The following PPP3CA variants were observed in gnomAD, a reference collection of about 807,000 sequenced individuals.
The protein encoded by PPP3CA is CAM-PRP catalytic subunit.
A neutral mutation model predicts 66.5 loss-of-function variants in PPP3CA; 14 were observed. The observed-to-expected ratio is 0.21, with a 90% CI of 0.14 to 0.33. The LOEUF is 0.33. PPP3CA is among the 10% of genes least tolerant of loss of function. The pLI is 1.00. For synonymous variants in PPP3CA, 232 were observed against 226.2 expected, an observed-to-expected ratio of 1.03 and a Z score of -0.23; for missense variants, 317 against 639.5, an observed-to-expected ratio of 0.50 and a Z score of 5.44.
chr4:101,230,460 A>G (rs1477087319), intron 1 of PPP3CA, among the ~76,000 whole-genome samples: 1 of 151,726 alleles, frequency 6.6e-6, no homozygotes, highest in African/African-American at 2.4e-5. Context: ...CTACAGCTGC[A>G]GCGAGCCATG....
At chr4:101,336,487 G>C (rs915973962) in intron 1 of PPP3CA, among the ~76,000 whole-genome samples, 6 of 150,194 alleles carry the variant, frequency 4.0e-5, no homozygotes, top group African/African-American at 1.5e-4. Flanking sequence ...CACAAGAATC[G>C]TTTGAACTTC....
At chr4:101,043,665 G>A (rs531727023) in intron 10 of PPP3CA, among the ~76,000 whole-genome samples, 18 of 152,088 alleles carry the variant, frequency 1.2e-4, no homozygotes, top group Non-Finnish European at 1.9e-4. Context: ...ACGAGGTTGG[G>A]AGATCGAGAC....
At chr4:101,133,859 C>T (rs1349895755) in intron 2 of PPP3CA, among the ~76,000 whole-genome samples, 10 of 152,152 alleles carry the variant, frequency 6.6e-5, no homozygotes, top group Non-Finnish European at 1.3e-4. Flanking sequence ...TACAAGGCTA[C>T]AGTAACCAAA....
At chr4:101,168,582 A>T (rs1344732445) in intron 2 of PPP3CA, among the ~76,000 whole-genome samples, 1 of 152,202 alleles carries the variant, frequency 6.6e-6, no homozygotes, top group African/African-American at 2.4e-5. Flanking sequence ...GAGACTAAGT[A>T]AAAAGGACCA....
intron 2 of PPP3CA, among the ~76,000 whole-genome samples, chr4:101,179,020 T>C (rs1180600874): frequency 3.9e-5 from 6 of 152,160 alleles, no homozygotes; most frequent in Non-Finnish European, 8.8e-5. Context: ...CCTAAGTCTA[T>C]TGGTCAAATC....
At chr4:101,073,990 TA>T (rs1553923208) in intron 8 of PPP3CA, among the ~76,000 whole-genome samples, 1 of 152,184 alleles carries the variant, frequency 6.6e-6, no homozygotes, top group Non-Finnish European at 1.5e-5. Context: ...GGAAAAAGCA[TA>T]TGCTGGGAAA....
At chr4:101,292,036 AG>A (rs761604256) in intron 1 of PPP3CA, among the ~76,000 whole-genome samples, 5 of 150,542 alleles carry the variant, frequency 3.3e-5, no homozygotes, top group Admixed American at 6.6e-5. Flanking sequence ...CTGAAGTGGG[AG>A]GATCACCTGA....
At chr4:101,343,003 G>A (rs567242918) in intron 1 of PPP3CA, among the ~76,000 whole-genome samples, 5 of 152,068 alleles carry the variant, frequency 3.3e-5, no homozygotes, top group Non-Finnish European at 5.9e-5. Flanking sequence ...AAGTACGTAA[G>A]CTGGCAATAC....
At chr4:101,333,300 T>G (rs201146155) in intron 1 of PPP3CA, among the ~76,000 whole-genome samples, 3,073 of 123,572 alleles carry the variant, frequency 0.025, 447 homozygotes, top group Admixed American at 0.18. Flanking sequence ...TTTTTTTTTT[T>G]TTTTTTTTTG....
intron 2 of PPP3CA, among the ~76,000 whole-genome samples, chr4:101,148,132 A>G (rs1723025493): frequency 6.6e-6 from 1 of 152,154 alleles, no homozygotes; most frequent in African/African-American, 2.4e-5. Flanking sequence ...ACTAAAAGCT[A>G]AGTCTTGTCA....
Position 101,025,338 on chromosome 4 carries a change from T to G in PPP3CA, c.*527A>C, listed in dbSNP as rs1726582107. ...TTTTTTTAAGACTGCCTAATTCAGT[T>G]TATAGCCATTGTCTGACAAGAGTAG... is the stretch of plus-strand genomic sequence containing the variant. On this transcript the variant is annotated 3_prime_UTR_variant, in exon 14 of 14. Transcript: ENST00000394854. 6.6e-6 allele frequency: 1 copy of G among 151,414 alleles called. No homozygotes were observed. The highest frequency in any genetic ancestry group is 1.5e-5 in the Non-Finnish European group (1 of 67,814). The allele number at this position is 151,414 out of a possible 1,614,324, so 9.4% of individuals were successfully genotyped here.
intron 2 of PPP3CA, among the ~76,000 whole-genome samples, chr4:101,111,147 A>G (rs1374635840): frequency 6.6e-6 from 1 of 152,186 alleles, no homozygotes; most frequent in East Asian, 1.9e-4. Context: ...TTTCTCTCAA[A>G]TTGTAGGAAA....
In PPP3CA at chr4:101,080,606, C is replaced by A; in HGVS notation, c.881G>T (p.Ser294Ile). The change falls in exon 8 of 14, where the codon AGC becomes ATC. Residue 294 changes from serine (S) to isoleucine (I), a missense_variant. Transcript: ENST00000394854. Reference protein sequence around the residue: ...QDAGYRMYRKSQTTGFPSLIT... With the variant: ...QDAGYRMYRKIQTTGFPSLIT... Reference sequence around the variant, plus strand: ...TAGAGAAGGGAAGCCTGTTGTTTGGCTTTTCCTGTACATGCGGTACCTAAA... The same window carrying A: ...TAGAGAAGGGAAGCCTGTTGTTTGGATTTTCCTGTACATGCGGTACCTAAA... The A allele has an allele frequency of 6.5e-7, 1 of 1,531,798 alleles. No homozygotes were observed. Among genetic ancestry groups the A allele is most frequent in the South Asian group, 1.3e-5 (1 of 74,596 alleles). The allele number at this position is 1,531,798 out of a possible 1,614,324, so 94.9% of individuals were successfully genotyped here.
intron 1 of PPP3CA, among the ~76,000 whole-genome samples, chr4:101,272,794 A>G (rs950469035): frequency 6.6e-6 from 1 of 152,186 alleles, no homozygotes; most frequent in Admixed American, 6.5e-5. Flanking sequence ...ATATCTTCTT[A>G]ATGGAAAACT....
chr4:101,081,887 T>C (rs1299696780), intron 7 of PPP3CA, among the ~76,000 whole-genome samples: 6 of 152,346 alleles, frequency 3.9e-5, no homozygotes, highest in Non-Finnish European at 8.8e-5. Context: ...TTAATCCTAG[T>C]ACCTTGACTT....
At chr4:101,089,742 C>G (rs1729830369) in intron 6 of PPP3CA, among the ~76,000 whole-genome samples, 1 of 152,130 alleles carries the variant, frequency 6.6e-6, no homozygotes, top group South Asian at 2.1e-4. Flanking sequence ...AACTATCTGC[C>G]TGAACATTAT....
At chr4:101,150,173 A>T (rs1447205524) in intron 2 of PPP3CA, among the ~76,000 whole-genome samples, 3 of 152,196 alleles carry the variant, frequency 2.0e-5, no homozygotes, top group Non-Finnish European at 1.5e-5. Context: ...GTTAGAGGAA[A>T]CTGAAAGATT....
chr4:101,029,245 A>AT (rs368347374), intron 12 of PPP3CA, 50 bp from the exon 13 acceptor site: 24 of 1,494,768 alleles, frequency 1.6e-5, no homozygotes, highest in African/African-American at 1.1e-4. Flanking sequence ...TGAGCAGAGG[A>AT]TTTTTTAACT....
intron 2 of PPP3CA, among the ~76,000 whole-genome samples, chr4:101,159,689 C>T (rs1327652490): frequency 6.6e-6 from 1 of 152,104 alleles, no homozygotes; most frequent in Non-Finnish European, 1.5e-5. Context: ...TAAAATTATT[C>T]CCATCCTATG....
Sources: allele counts gnomAD v4.1 joint callset (sites outside exome capture counted in the v4.1 genomes callset), GRCh38; gene constraint gnomAD v4.1.1; transcripts MANE v1.5; gene names NCBI Gene and HGNC (gene_info 2026-07-23, HGNC 2026-07-21).